Variants in ANXA11 observed in about 807,000 individuals in gnomAD.
ANXA11 encodes 56 kDa autoantigen.
ANXA11 carries 57 observed loss-of-function variants against 64.7 expected under a neutral mutation model. The ratio of observed to expected loss-of-function variants is 0.88; its 90% CI spans 0.71 to 1.10. The LOEUF (loss-of-function observed/expected upper bound fraction) is 1.10, where lower values mean the gene tolerates loss of function less well. ANXA11 is among the 50% of genes least tolerant of loss of function. The pLI, the probability that ANXA11 is intolerant of heterozygous loss-of-function variation, is 0.00. For missense variants in ANXA11, 675 were observed against 670.7 expected (o/e 1.01, Z -0.07); for synonymous variants, 260 against 265.2 (o/e 0.98, Z 0.19).
intron 1 of ANXA11, among the ~76,000 whole-genome samples, chr10:80,185,921 G>A (rs1028005547): frequency 6.6e-6 from 1 of 152,152 alleles, no homozygotes; most frequent in African/African-American, 2.4e-5. Context: ...TCAGAATCAG[G>A]ATACCTGGCT....
At position 80,157,628 on chromosome 10, in the gene ANXA11, A is replaced by G. The variant is rs529536583; in HGVS notation, c.1458+13T>C. On this transcript the variant is annotated intron_variant, in intron 15 of 15. Coordinates refer to ENST00000422982, the MANE Select transcript of ANXA11 (RefSeq NM_145868.2). ...CCAAAAGGGAGCCCAGTTGGCCTGCAGCAGGCCCGTACCGAGATGTCGTGG... is the reference window on the plus strand; with the variant it reads ...CCAAAAGGGAGCCCAGTTGGCCTGCGGCAGGCCCGTACCGAGATGTCGTGG... 2 of 1,609,866 alleles carry G rather than the reference A, an allele frequency of 1.2e-6. No individual in the cohort carries two copies. Among genetic ancestry groups the G allele is most frequent in the South Asian group, 2.2e-5 (2 of 90,718 alleles).
At chr10:80,161,368 A>T (rs1845496217) in intron 12 of ANXA11, among the ~76,000 whole-genome samples, 1 of 152,088 alleles carries the variant, frequency 6.6e-6, no homozygotes, top group Non-Finnish European at 1.5e-5. Context: ...GGACCCTACC[A>T]TCACTCCCTA....
chr10:80,153,052 C>T lies in ANXA11; in HGVS notation c.*2801G>A, dbSNP rs989699483. The stretch of plus-strand genomic sequence containing the variant: ...GGAGTATACGCCTGTGACCTAAACT[C>T]GCTGAGTCACTCTGGCCTGGATATC... On this transcript the variant is annotated 3_prime_UTR_variant, in exon 16 of 16. Coordinates refer to ENST00000422982, the MANE Select transcript of ANXA11 (RefSeq NM_145868.2). 1.3e-5 allele frequency: 2 copies of T among 152,248 alleles called. No individual in the cohort carries two copies. Among genetic ancestry groups the T allele is most frequent in the Admixed American group, 6.5e-5 (1 of 15,278 alleles). The allele number at this position is 152,248 out of a possible 1,614,324, so 9.4% of individuals were successfully genotyped here. A position where few individuals can be genotyped will look rare whatever the true frequency, so the allele number is the denominator to read the frequency against.
In ANXA11 at chr10:80,169,286, A is replaced by G; in HGVS notation, c.244T>C (p.Tyr82His). 6.2e-7 allele frequency: 1 copy of G among 1,611,682 alleles called. No homozygotes were observed. Among genetic ancestry groups the G allele is most frequent in the Non-Finnish European group, 8.5e-7 (1 of 1,179,718 alleles). Residue 82 changes from tyrosine to histidine, a missense_variant, in exon 5 of 16, where the codon TAC becomes CAC. Coordinates refer to ENST00000422982, the MANE Select transcript of ANXA11 (RefSeq NM_145868.2). ...NLYPGAPGAG[Y>H]PPVPPGGFGQ... ...AAGCCGCCAGGGGGCACTGGTGGGT[A>G]GCCAGCCCCAGGGGCCCCAGGGTAC...
chr10:80,190,095 T>G (rs1001055920), intron 1 of ANXA11, among the ~76,000 whole-genome samples: 1 of 152,242 alleles, frequency 6.6e-6, no homozygotes, highest in Non-Finnish European at 1.5e-5. Flanking sequence ...TAGACTGCTG[T>G]TGGCCAGGGC....
chr10:80,158,616 G>T (rs1845374534), intron 13 of ANXA11, among the ~76,000 whole-genome samples: 2 of 152,218 alleles, frequency 1.3e-5, no homozygotes, highest in South Asian at 2.1e-4. Context: ...TGCACAGTGG[G>T]AGGGCCCTGC....
chr10:80,158,951 C>T, intron 13 of ANXA11, 149 bp downstream of exon 13: 1 of 633,888 alleles, frequency 1.6e-6, no homozygotes, highest in Admixed American at 2.6e-5. Context: ...AGCATGACTT[C>T]CCAGCATCTG....
At chr10:80,156,404 C>A (rs1206113479) in intron 15 of ANXA11, 2 of 472,276 alleles carry the variant, frequency 4.2e-6, no homozygotes, top group Non-Finnish European at 8.8e-6. Context: ...CGGCTTGGCT[C>A]ATTTCTAATC....
chr10:80,157,022 C>G lies in ANXA11; in HGVS notation c.1458+619G>C, dbSNP rs543674389. The G allele has an allele frequency of 3.8e-5, 37 of 985,268 alleles. No individual in the cohort carries two copies. In the African/African-American group the frequency reaches 6.5e-4, roughly 17 times the overall value. 61.0% of individuals were successfully genotyped at this position (985,268 alleles called of 1,614,324 possible). A position where few individuals can be genotyped will look rare whatever the true frequency, so the allele number is the denominator to read the frequency against. On this transcript the variant is annotated intron_variant, in intron 15 of 15. Coordinates refer to ENST00000422982, the MANE Select transcript of ANXA11 (RefSeq NM_145868.2). ...TTGTCAGACTGGCTCTGCCACACAG[C>G]GATACAACTGTGGCTAGTGTTTAAT...
chr10:80,157,508 C>CTT, intron 15 of ANXA11, 133 bp downstream of exon 15: 7 of 1,484,112 alleles, frequency 4.7e-6, no homozygotes, highest in Non-Finnish European at 3.6e-6. Context: ...AGGGGATGAA[C>CTT]AAGTCCGAGG....
At chr10:80,200,942 C>G (rs192935445) in intron 1 of ANXA11, among the ~76,000 whole-genome samples, 1 of 152,272 alleles carries the variant, frequency 6.6e-6, no homozygotes, top group East Asian at 1.9e-4. Context: ...TGCCTGAGCA[C>G]GGAGCGCCGT....
intron 14 of ANXA11, 71 bp downstream of exon 14, chr10:80,157,895 GC>G: frequency 6.3e-7 from 1 of 1,596,260 alleles, no homozygotes; most frequent in African/African-American, 1.3e-5. Context: ...CAGGCCTTCT[GC>G]CCTCAGCCCT....
At chr10:80,171,656 A>T in intron 3 of ANXA11, 1 of 985,520 alleles carries the variant, frequency 1.0e-6, no homozygotes, top group South Asian at 4.7e-5. Flanking sequence ...CGACATCATC[A>T]TGGGGCCTCT....
At chr10:80,190,494 T>TC (rs890555737) in intron 1 of ANXA11, among the ~76,000 whole-genome samples, 4 of 149,786 alleles carry the variant, frequency 2.7e-5, no homozygotes, top group African/African-American at 9.8e-5. Context: ...ATTTTTTTTT[T>TC]TTTTTTTTTG....
At chr10:80,184,525 C>CGT (rs978478081) in intron 1 of ANXA11, among the ~76,000 whole-genome samples, 100 of 151,578 alleles carry the variant, frequency 6.6e-4, no homozygotes, top group African/African-American at 2.3e-3. Flanking sequence ...AGTCAGGGAC[C>CGT]GTGTGTGTGT....
chr10:80,175,386 C>T (rs1846133295), intron 2 of ANXA11, among the ~76,000 whole-genome samples: 1 of 152,136 alleles, frequency 6.6e-6, no homozygotes, highest in African/African-American at 2.4e-5. Flanking sequence ...CAAAGACACT[C>T]TCCACTCCTG....
At chr10:80,168,830 C>A in intron 5 of ANXA11, 139 bp downstream of exon 5, 1 of 1,033,524 alleles carries the variant, frequency 9.7e-7, no homozygotes, top group Non-Finnish European at 1.3e-6. Flanking sequence ...AGTCACTGCA[C>A]CCGGCCGACA....
intron 1 of ANXA11, among the ~76,000 whole-genome samples, chr10:80,202,134 A>T (rs1483799550): frequency 1.3e-5 from 2 of 151,100 alleles, no homozygotes; most frequent in East Asian, 3.9e-4. Context: ...ACCCCTTTGC[A>T]AACATCTTCT....
chr10:80,163,267 C>A, intron 11 of ANXA11, 82 bp downstream of exon 11: 1 of 1,520,578 alleles, frequency 6.6e-7, no homozygotes, highest in East Asian at 2.3e-5. Context: ...TTCTTTCCAC[C>A]CTAGGGTACC....
Sources: gnomAD v4.1 joint callset for allele counts (sites outside exome capture counted in the v4.1 genomes callset) on GRCh38, gnomAD v4.1.1 for gene constraint, MANE v1.5 for transcripts, NCBI Gene and HGNC (gene_info 2026-07-23, HGNC 2026-07-21) for gene names.